Variants in RYK observed in about 807,000 individuals in gnomAD.
RYK encodes the protein receptor like tyrosine kinase.
Under a neutral mutation model 70.2 loss-of-function variants are expected in RYK, and 21 were observed. The observed-to-expected ratio is 0.30, with a 90% CI of 0.21 to 0.43. RYK has a LOEUF of 0.43. Ranked by LOEUF, RYK falls within the 20% of genes least tolerant of loss-of-function variation. The pLI is 1.00. For synonymous variants in RYK, 267 were observed against 278.0 expected (o/e 0.96, Z 0.39); for missense variants, 604 against 753.3 (o/e 0.80, Z 2.32).
intron 5 of RYK, among the ~76,000 whole-genome samples, chr3:134,207,089 C>G (rs1391348281): frequency 2.6e-5 from 4 of 152,106 alleles, no homozygotes; most frequent in African/African-American, 9.7e-5. Context: ...TATCTTTAAG[C>G]TTACACCTTC....
rs578178818 is a variant in RYK at position 134,169,895 on chromosome 3, C to T, written c.1575+5714G>A. Among the ~76,000 whole-genome samples the T allele has an allele frequency of 2.0e-5, 3 of 152,138 alleles. No individual in the cohort carries two copies. In the South Asian group the frequency reaches 6.2e-4, roughly 32 times the overall value. On this transcript the variant is annotated intron_variant, in intron 13 of 14. Coordinates refer to ENST00000623711, the MANE Select transcript of RYK (RefSeq NM_002958.4). ...GAATATTAAATGTAACTTTTAAGCC[C>T]CCAACTTCACCCATAAAGAAAAAAT...
At chr3:134,222,893 C>T (rs113198552) in intron 1 of RYK, among the ~76,000 whole-genome samples, 129 of 152,196 alleles carry the variant, frequency 8.5e-4, no homozygotes, top group African/African-American at 2.9e-3. Context: ...GCCCCTTCCC[C>T]AAAAAATTTA....
chr3:134,175,353 A>G (rs534336798), intron 13 of RYK, among the ~76,000 whole-genome samples: 50 of 152,138 alleles, frequency 3.3e-4, no homozygotes, highest in Admixed American at 1.9e-3. Context: ...TAAAAAAAAA[A>G]AAAAAAAAAG....
At position 134,250,442 on chromosome 3, in the gene RYK, G is replaced by A. The variant is rs1416189775; in HGVS notation, c.213C>T (p.Asp71=). 2.1e-6 allele frequency: 3 copies of A among 1,408,212 alleles called. No homozygotes were observed. Among genetic ancestry groups the A allele is most frequent in the African/African-American group, 3.0e-5 (2 of 67,376 alleles). The allele number at this position is 1,408,212 out of a possible 1,614,324, so 87.2% of individuals were successfully genotyped here. ...ACTCACCGATCAGCCGGCGCACCTC[G>A]TCCTCGCTCAGGTAGAGACTCACGC... ...GPSVSLYLSE[D]EVRRLIGLDA... is the part of the protein sequence containing the mutation. Residue 71 remains aspartate, a synonymous_variant, in exon 1 of 15, where the codon GAC becomes GAT. Coordinates refer to ENST00000623711, the MANE Select transcript of RYK (RefSeq NM_002958.4).
At chr3:134,229,797 A>C (rs1004324389) in intron 1 of RYK, among the ~76,000 whole-genome samples, 4 of 152,212 alleles carry the variant, frequency 2.6e-5, no homozygotes, top group Non-Finnish European at 5.9e-5. Flanking sequence ...CCCAATAAGC[A>C]TATGAAGAGG....
At chr3:134,207,123 T>C (rs1261898363) in intron 5 of RYK, among the ~76,000 whole-genome samples, 1 of 152,234 alleles carries the variant, frequency 6.6e-6, no homozygotes, top group Non-Finnish European at 1.5e-5. Context: ...TAGCTTAAGA[T>C]TAGGTCCAGA....
intron 8 of RYK, 81 bp from the exon 9 acceptor site, chr3:134,189,004 TA>T: frequency 1.2e-6 from 1 of 805,750 alleles, no homozygotes; most frequent in East Asian, 2.7e-5. Context: ...CAATATAACA[TA>T]AAACAAAAAT....
chr3:134,185,547 C>T (rs2013433916), intron 9 of RYK, among the ~76,000 whole-genome samples: 2 of 152,230 alleles, frequency 1.3e-5, no homozygotes, highest in Non-Finnish European at 2.9e-5. Context: ...AAAGGTGCTT[C>T]ATATCAATGT....
chr3:134,195,849 T>C (rs1576515251), intron 6 of RYK, among the ~76,000 whole-genome samples: 1 of 151,916 alleles, frequency 6.6e-6, no homozygotes, highest in South Asian at 2.1e-4. Flanking sequence ...GGGAGGCTGA[T>C]GCAGGAGAAT....
intron 6 of RYK, among the ~76,000 whole-genome samples, chr3:134,196,754 T>C (rs1576515793): frequency 6.6e-6 from 1 of 152,186 alleles, no homozygotes; most frequent in Admixed American, 6.5e-5. Context: ...TATGTAGCCT[T>C]TCTATGGCTA....
chr3:134,168,331 T>C (rs1396600285), intron 13 of RYK, among the ~76,000 whole-genome samples: 10 of 152,304 alleles, frequency 6.6e-5, no homozygotes, highest in Middle Eastern at 3.4e-3. Flanking sequence ...CGTATGTTTA[T>C]TGAGGCACTA....
At chr3:134,222,632 T>C in intron 1 of RYK, 93 bp from the exon 2 acceptor site, 3 of 1,114,676 alleles carry the variant, frequency 2.7e-6, no homozygotes, top group Middle Eastern at 2.3e-4. Context: ...GTGAAGATAA[T>C]ATTGATAAGC....
At chr3:134,234,221 T>G (rs1403115951) in intron 1 of RYK, among the ~76,000 whole-genome samples, 1 of 151,958 alleles carries the variant, frequency 6.6e-6, no homozygotes, top group African/African-American at 2.4e-5. Flanking sequence ...AAATAACCCA[T>G]GAAGGTTGAT....
In RYK at chr3:134,191,889, T is replaced by G. The variant is rs777289155; in HGVS notation, c.975A>C (p.Ile325=). ...CTTTTAGAGTTATCCTCTCTCTGGA[T>G]ATTGCTATATCCTTCACCTTGCCTT... The part of the protein sequence containing the change: ...EAKGKVKDIA[I]SRERITLKDV... The change falls in exon 8 of 15, where the codon ATA becomes ATC. Residue 325 remains isoleucine (I), a synonymous_variant. Transcript: ENST00000623711. The G allele has an allele frequency of 6.0e-5, 96 of 1,612,542 alleles. No individual in the cohort carries two copies. Among genetic ancestry groups the G allele is most frequent in the Admixed American group, 3.0e-4 (18 of 59,842 alleles).
chr3:134,196,481 C>T (rs1165021447), intron 6 of RYK, among the ~76,000 whole-genome samples: 1 of 151,830 alleles, frequency 6.6e-6, no homozygotes, highest in East Asian at 1.9e-4. Context: ...CGGTGTGAAG[C>T]CTGTAGCTGC....
intron 13 of RYK, among the ~76,000 whole-genome samples, chr3:134,174,051 T>C (rs765526426): frequency 3.9e-5 from 6 of 152,140 alleles, no homozygotes; most frequent in Non-Finnish European, 7.4e-5. Flanking sequence ...CTAAATCATA[T>C]GTATCCTTTT....
chr3:134,250,459 G>A lies in RYK; in HGVS notation c.196C>T (p.Leu66Phe). 2 of 1,395,790 alleles carry A rather than the reference G, an allele frequency of 1.4e-6. No homozygotes were observed. The highest frequency in any genetic ancestry group is 9.3e-7 in the Non-Finnish European group (1 of 1,071,706). The allele number at this position is 1,395,790 out of a possible 1,614,324, so 86.5% of individuals were successfully genotyped here. The change falls in exon 1 of 15, where the codon CTC becomes TTC. Residue 66 changes from leucine (L) to phenylalanine (F), a missense_variant. Physicochemically the swap from Leu to Phe is conservative, Grantham distance 22 (BLOSUM62 0). Transcript: ENST00000623711. ...CGCACCTCGTCCTCGCTCAGGTAGA[G>A]ACTCACGCTGGGCCCCGCGGAAGCC... ...QSASAGPSVS[L>F]YLSEDEVRRL...
intron 3 of RYK, among the ~76,000 whole-genome samples, chr3:134,211,153 C>T (rs768615678): frequency 4.6e-4 from 70 of 152,204 alleles, no homozygotes; most frequent in Middle Eastern, 3.4e-3. Context: ...CACTGATGGG[C>T]TTCACGTCAC....
At chr3:134,221,220 T>G (rs2014726706) in intron 2 of RYK, among the ~76,000 whole-genome samples, 1 of 104,440 alleles carries the variant, frequency 9.6e-6, no homozygotes, top group Non-Finnish European at 2.2e-5. Flanking sequence ...TTTTTTTTTT[T>G]TTGAGACAGA....
Sources: allele counts gnomAD v4.1 joint callset (sites outside exome capture counted in the v4.1 genomes callset), GRCh38; gene constraint gnomAD v4.1.1; transcripts MANE v1.5; gene names NCBI Gene and HGNC (gene_info 2026-07-23, HGNC 2026-07-21).